Variants in C11orf21 observed in about 807,000 individuals in gnomAD.
C11orf21 encodes the protein chromosome 11 open reading frame 21.
In C11orf21, 19 loss-of-function variants were observed where a neutral mutation model predicts 15.2. That is an observed-to-expected ratio of 1.25 (90% CI 0.87 to 1.84). The LOEUF (loss-of-function observed/expected upper bound fraction) is 1.84. C11orf21 is among the 40% of genes most tolerant of loss of function. C11orf21 has a pLI of 0.00. For missense variants in C11orf21, 171 were observed against 174.4 expected, an observed-to-expected ratio of 0.98 and a Z score of 0.11; for synonymous variants, 62 against 66.8, an observed-to-expected ratio of 0.93 and a Z score of 0.35.
intron 3 of C11orf21, among the ~76,000 whole-genome samples, chr11:2,298,638 C>G (rs989170708): frequency 6.6e-6 from 1 of 152,186 alleles, no homozygotes; most frequent in Non-Finnish European, 1.5e-5. Flanking sequence ...CCTCCACCCC[C>G]ACGGGGTGCC....
chr11:2,303,115 G>T (rs1213557296), upstream of C11orf21: 4 of 640,696 alleles, frequency 6.2e-6, no homozygotes, highest in Non-Finnish European at 1.1e-5. Context: ...TGGAGTCCTA[G>T]CTCCCCTGGG....
upstream of C11orf21, chr11:2,301,930 G>A (rs1424032278): frequency 1.3e-6 from 2 of 1,522,982 alleles, no homozygotes; most frequent in Non-Finnish European, 1.8e-6. Context: ...GGGGCACCAG[G>A]GTGAGGTGGT....
chr11:2,300,444 T>C, intron 2 of C11orf21, 76 bp downstream of exon 2: 1 of 920,388 alleles, frequency 1.1e-6, no homozygotes, highest in Non-Finnish European at 1.6e-6. Flanking sequence ...AGGGTGTGGC[T>C]CAGCAAAGGG....
chr11:2,302,827 G>A (rs575757473), upstream of C11orf21: 6 of 1,609,288 alleles, frequency 3.7e-6, no homozygotes, highest in South Asian at 5.5e-5. Context: ...CACACTCTGA[G>A]TCTGCCCTAT....
rs945476656 is a variant in C11orf21, at chr11:2,300,559, G to C, written c.108C>G (p.Asp36Glu). 1 of 1,549,820 alleles carries C rather than the reference G, an allele frequency of 6.5e-7. No homozygotes were observed. Among genetic ancestry groups the C allele is most frequent in the Non-Finnish European group, 8.7e-7 (1 of 1,146,612 alleles). ...LSSQSGVEPP[D>E]RWTGTPGWPS... ...GCCAGCCGGGGGTTCCCGTCCACCTGTCAGGGGGTTCGACGCCACTTTGAG... is the reference window on the plus strand; with the variant it reads ...GCCAGCCGGGGGTTCCCGTCCACCTCTCAGGGGGTTCGACGCCACTTTGAG... Residue 36 changes from aspartate to glutamate, a missense_variant, in exon 2 of 4, where the codon GAC becomes GAG. By Grantham distance (45) the Asp-to-Glu change is conservative. Coordinates refer to ENST00000381153, the MANE Select transcript of C11orf21 (RefSeq NM_001329958.2).
At chr11:2,301,578 C>T (rs1344544034) in intron 1 of C11orf21, 178 bp downstream of exon 1, 4 of 566,126 alleles carry the variant, frequency 7.1e-6, no homozygotes, top group Admixed American at 3.6e-5. Flanking sequence ...GTGCCGCCCA[C>T]GAAGGCATTA....
Position 2,296,524 on chromosome 11 carries a change from A to C in C11orf21, c.*1426T>G, listed in dbSNP as rs1013982593. The C allele has an allele frequency of 6.6e-6, 1 of 152,148 alleles. No individual in the cohort carries two copies. Among genetic ancestry groups the C allele is most frequent in the Non-Finnish European group, 1.5e-5 (1 of 68,082 alleles). The allele number at this position is 152,148 out of a possible 1,614,324, so 9.4% of individuals were successfully genotyped here. ...CCTGAGTCTGATGATCCCCCTTTCC[A>C]CTAGCCACCCCAGCAAATGGCTGCA... On this transcript the variant is annotated 3_prime_UTR_variant, in exon 4 of 4. Transcript: ENST00000381153. The surrounding 1 kb of genome is among the most constrained non-coding windows in gnomAD (Gnocchi z 5.6).
chr11:2,300,127 T>G (rs1330306241), intron 2 of C11orf21, among the ~76,000 whole-genome samples: 1 of 16,816 alleles, frequency 5.9e-5, no homozygotes, highest in Non-Finnish European at 1.1e-4. Flanking sequence ...CAGGGGTGTG[T>G]GGGGTGGGCA....
intron 3 of C11orf21, among the ~76,000 whole-genome samples, chr11:2,299,154 T>C (rs1432656047): frequency 6.6e-6 from 1 of 152,156 alleles, no homozygotes; most frequent in Non-Finnish European, 1.5e-5. Flanking sequence ...GACCCAGGCC[T>C]AGGGTAATCC....
chr11:2,301,920 G>C, upstream of C11orf21: 1 of 1,531,590 alleles, frequency 6.5e-7, no homozygotes. Flanking sequence ...GGCTGGGCTG[G>C]GGGCACCAGG....
upstream of C11orf21, among the ~76,000 whole-genome samples, chr11:2,302,487 G>A (rs558122921): frequency 6.6e-6 from 1 of 152,240 alleles, no homozygotes; most frequent in South Asian, 2.1e-4. Context: ...TGGGGTGGAG[G>A]GGCACTGGCT....
upstream of C11orf21, chr11:2,302,964 T>A (rs552701160): frequency 6.2e-7 from 1 of 1,612,174 alleles, no homozygotes; most frequent in East Asian, 2.2e-5. Flanking sequence ...ATGGGGTAAG[T>A]GAGGTCCAGG....
rs1847694941 is a variant in C11orf21 at position 2,300,636 on chromosome 11, A to G, written c.54-23T>C. ...GCGCTGGTGTGAGAAGGAGGCCATC[A>G]GGACAGGTCAAGAACCCAGGCCCGC... On this transcript the variant is annotated intron_variant, in intron 1 of 3. Transcript: ENST00000381153. 3.2e-6 allele frequency: 5 copies of G among 1,550,618 alleles called. No homozygotes were observed. The African/African-American group carries it at 4.1e-5, about 13-fold the overall frequency.
upstream of C11orf21, chr11:2,301,976 C>T (rs990021145): frequency 2.0e-6 from 3 of 1,487,918 alleles, no homozygotes; most frequent in African/African-American, 2.8e-5. Flanking sequence ...CCCCTTCCTG[C>T]CTGCCCTTCT....
At chr11:2,301,079 G>T (rs1273530709) in intron 1 of C11orf21, 2 of 365,982 alleles carry the variant, frequency 5.5e-6, no homozygotes, top group East Asian at 1.3e-4. Flanking sequence ...TGTCCCTCCT[G>T]GTTCTCCTGG....
chr11:2,300,547 T>A lies in C11orf21; in HGVS notation c.120A>T (p.Gly40=). ...GGTCTCTGGAGGGCCAGCCGGGGGT[T>A]CCCGTCCACCTGTCAGGGGGTTCGA... ...SGVEPPDRWT[G]TPGWPSRDQE... The change falls in exon 2 of 4, where the codon GGA becomes GGT. Residue 40 remains glycine (G), a synonymous_variant. Transcript: ENST00000381153. 1 of 1,548,728 alleles carries A rather than the reference T, an allele frequency of 6.5e-7. No homozygotes were observed.
Position 2,301,826 on chromosome 11 carries a change from C to G in C11orf21, c.-18G>C. On this transcript the variant is annotated 5_prime_UTR_variant, in exon 1 of 4. Transcript: ENST00000381153. Reference sequence around the variant, plus strand: ...CTGCCCATGACTTTCCCCCTCTCAGCGCCGTCCTCAGTGGCCACACCAAGA... The same window carrying G: ...CTGCCCATGACTTTCCCCCTCTCAGGGCCGTCCTCAGTGGCCACACCAAGA... The G allele has an allele frequency of 6.4e-7, 1 of 1,550,780 alleles. No homozygotes were observed. The highest frequency in any genetic ancestry group is 8.7e-7 in the Non-Finnish European group (1 of 1,146,948).
At chr11:2,299,806 A>T in intron 2 of C11orf21, 99 bp from the exon 3 acceptor site, 1 of 1,410,272 alleles carries the variant, frequency 7.1e-7, no homozygotes, top group East Asian at 2.5e-5. Context: ...GGGTAAACAC[A>T]TATGCATGCA....
At position 2,296,691 on chromosome 11, in the gene C11orf21, C is replaced by G. The variant is rs768393869; in HGVS notation, c.*1259G>C. On this transcript the variant is annotated 3_prime_UTR_variant, in exon 4 of 4. Transcript: ENST00000381153. The surrounding 1 kb of genome is among the most constrained non-coding windows in gnomAD (Gnocchi z 5.6). ...CCCATTGCTCCAGCTCCCGTGGCAC[C>G]GTGAGCCACCGGCCAAGGCCACAGG... is the stretch of plus-strand genomic sequence containing the variant. 1 of 152,326 alleles carries G rather than the reference C, an allele frequency of 6.6e-6. No homozygotes were observed. The highest frequency in any genetic ancestry group is 2.4e-5 in the African/African-American group (1 of 41,448). 9.4% of individuals were successfully genotyped at this position (152,326 alleles called of 1,614,324 possible). A position where few individuals can be genotyped will look rare whatever the true frequency, so the allele number is the denominator to read the frequency against.
Sources: gnomAD v4.1 joint callset for allele counts (sites outside exome capture counted in the v4.1 genomes callset) on GRCh38, gnomAD v4.1.1 for gene constraint, Gnocchi (gnomAD v3.1) non-coding constraint, MANE v1.5 for transcripts, NCBI Gene and HGNC (gene_info 2026-07-23, HGNC 2026-07-21) for gene names.